RIPK1: variants seen among roughly 807,000 people sequenced by gnomAD.
RIPK1 encodes receptor interacting serine/threonine kinase 1, also known as receptor-interacting serine/threonine-protein kinase 1.
RIPK1 carries 27 observed loss-of-function variants against 62.4 expected under a neutral mutation model. The ratio of observed to expected loss-of-function variants is 0.43; its 90% confidence interval spans 0.32 to 0.60. The LOEUF is 0.60. Among genes scored for constraint, RIPK1 ranks in the 20% least tolerant of loss-of-function variants. RIPK1 has a pLI of 0.07. For synonymous variants in RIPK1, 287 were observed against 303.2 expected, an observed-to-expected ratio of 0.95 and a Z score of 0.55; for missense variants, 735 against 831.0, an observed-to-expected ratio of 0.88 and a Z score of 1.42.
intron 7 of RIPK1, among the ~76,000 whole-genome samples, chr6:3,095,520 G>A (rs1760244130): frequency 6.6e-6 from 1 of 152,152 alleles, no homozygotes. Flanking sequence ...GACCAATCTT[G>A]TTTAACAGTA....
intron 7 of RIPK1, among the ~76,000 whole-genome samples, chr6:3,103,121 ATTG>A (rs1401084527): frequency 9.2e-5 from 14 of 151,736 alleles, no homozygotes; most frequent in African/African-American, 2.7e-4. Flanking sequence ...TTCATGGCTT[ATTG>A]GCCATTTGTA....
chr6:3,087,699 C>T (rs964055914), intron 6 of RIPK1, among the ~76,000 whole-genome samples: 14 of 152,072 alleles, frequency 9.2e-5, no homozygotes, highest in Non-Finnish European at 2.9e-5. Context: ...GCCACCACAC[C>T]TGGCTAATTT....
chr6:3,068,822 A>C, intron 1 of RIPK1, 161 bp downstream of exon 1: 27 of 266,146 alleles, frequency 1.0e-4, no homozygotes, highest in Non-Finnish European at 1.5e-4. Flanking sequence ...TTCTTCCCTC[A>C]CCCGGGCCTC....
chr6:3,077,003 G>C lies in RIPK1; in HGVS notation c.164+16G>C. The C allele has an allele frequency of 6.3e-7, 1 of 1,588,558 alleles. No individual in the cohort carries two copies. On this transcript the variant is annotated intron_variant, in intron 2 of 10. Transcript: ENST00000259808. ...ACTGCATTGAGTGAGTAGGGAGCAGGGGTGGGTGGGCTAAGTTCTGAGCGG... is the reference window on the plus strand; with the variant it reads ...ACTGCATTGAGTGAGTAGGGAGCAGCGGTGGGTGGGCTAAGTTCTGAGCGG...
chr6:3,094,123 G>A (rs1379175580), intron 7 of RIPK1, among the ~76,000 whole-genome samples: 2 of 141,374 alleles, frequency 1.4e-5, no homozygotes, highest in Non-Finnish European at 1.5e-5. Flanking sequence ...CCTACCTGCC[G>A]CACCTAGTAA....
intron 7 of RIPK1, among the ~76,000 whole-genome samples, chr6:3,090,250 G>A (rs1204565598): frequency 6.6e-6 from 1 of 152,100 alleles, no homozygotes; most frequent in Admixed American, 6.5e-5. Context: ...GCATGACAAG[G>A]CCCAGTTAGG....
upstream of RIPK1, among the ~76,000 whole-genome samples, chr6:3,065,264 C>CAA (rs57722248): frequency 4.2e-4 from 17 of 40,620 alleles, 2 homozygotes; most frequent in Admixed American, 1.1e-3. Flanking sequence ...GACTCCGTCT[C>CAA]AAAAAAAAAA....
intron 3 of RIPK1, among the ~76,000 whole-genome samples, chr6:3,080,097 C>T (rs1759298948): frequency 6.6e-6 from 1 of 152,208 alleles, no homozygotes; most frequent in Non-Finnish European, 1.5e-5. Context: ...CTGCTACTTT[C>T]TGTATGGTGG....
rs574294650 is a variant in RIPK1, at chr6:3,072,103, C to G, written c.-61+3442C>G. The stretch of plus-strand genomic sequence containing the variant: ...CTGTACATGCTAAGTGTTTTACCTA[C>G]TTTTGCTGTTCTATGTAATGCTACC... On this transcript the variant is annotated intron_variant, in intron 1 of 10. Coordinates refer to ENST00000259808, the MANE Select transcript of RIPK1 (RefSeq NM_001354930.2). The surrounding 1 kb of genome is among the most constrained non-coding windows in gnomAD (Gnocchi z 5.6). Among the ~76,000 whole-genome samples the G allele has an allele frequency of 1.3e-5, 2 of 152,290 alleles. No homozygotes were observed. The highest frequency in any genetic ancestry group is 2.9e-5 in the Non-Finnish European group (2 of 68,026).
intron 4 of RIPK1, among the ~76,000 whole-genome samples, chr6:3,081,586 T>G (rs2113598784): frequency 6.6e-6 from 1 of 152,086 alleles, no homozygotes; most frequent in Admixed American, 6.6e-5. Context: ...AGCGGCCGGG[T>G]GCAGTGGCCC....
chr6:3,094,382 T>A (rs1465997777), intron 7 of RIPK1, among the ~76,000 whole-genome samples: 1 of 152,144 alleles, frequency 6.6e-6, no homozygotes, highest in Non-Finnish European at 1.5e-5. Flanking sequence ...AAATTAATTT[T>A]AAAAAGGTAA....
chr6:3,097,530 G>T (rs1760379077), intron 7 of RIPK1, among the ~76,000 whole-genome samples: 1 of 152,132 alleles, frequency 6.6e-6, no homozygotes, highest in Non-Finnish European at 1.5e-5. Flanking sequence ...AGACAACTGG[G>T]TATCCACATG....
At chr6:3,087,441 G>GT (rs1187990874) in intron 6 of RIPK1, among the ~76,000 whole-genome samples, 15 of 148,430 alleles carry the variant, frequency 1.0e-4, no homozygotes, top group African/African-American at 2.5e-4. Flanking sequence ...GTTTTTGTTT[G>GT]TTTTTTTCAG....
chr6:3,085,630 A>G, intron 6 of RIPK1, among the ~76,000 whole-genome samples: 1 of 152,158 alleles, frequency 6.6e-6, no homozygotes, highest in East Asian at 1.9e-4. Flanking sequence ...TTTTTTTGTA[A>G]TTAACTTTTT....
intron 7 of RIPK1, among the ~76,000 whole-genome samples, chr6:3,097,295 TGAA>T (rs1391927466): frequency 6.6e-6 from 1 of 152,204 alleles, no homozygotes; most frequent in Non-Finnish European, 1.5e-5. Context: ...AGGATGCCCT[TGAA>T]GAAGGACAAG....
rs1286783507 is a variant in RIPK1, at chr6:3,093,991, TACCTGCCGCACCTAGTAACTGCAGCGC to T, written c.915+4335_915+4361del. Among the ~76,000 whole-genome samples, 317 of 133,008 alleles carry T rather than the reference TACCTGCCGCACCTAGTAACTGCAGCGC, an allele frequency of 2.4e-3. 32 individuals carry two copies. Among genetic ancestry groups the T allele is most frequent in the African/African-American group, 9.1e-3 (295 of 32,364 alleles). 87.3% of individuals were successfully genotyped at this position (133,008 alleles called of 152,430 possible). Reference sequence around the variant, plus strand: ...CCGCACCTAGTAACTGCAGAGCGCCTACCTGCCGCACCTAGTAACTGCAGCGCGCCTACCTGCCGCACCTAGTAACTG... The same window carrying T: ...CCGCACCTAGTAACTGCAGAGCGCCTGCCTACCTGCCGCACCTAGTAACTG... On this transcript the variant is annotated intron_variant, in intron 7 of 10. Transcript: ENST00000259808.
chr6:3,084,920 C>T (rs977576893), intron 5 of RIPK1, among the ~76,000 whole-genome samples: 1 of 152,172 alleles, frequency 6.6e-6, no homozygotes, highest in African/African-American at 2.4e-5. Context: ...AATGATCACT[C>T]TGTGTTTTAA....
In RIPK1 at chr6:3,077,866, G is replaced by A. The variant is rs780678315; in HGVS notation, c.252G>A (p.Glu84=). ...TGAAGCTCCTGGGCGTCATCATAGA[G>A]GAAGGGAAGTACTCCCTGGTGATGG... is the stretch of plus-strand genomic sequence containing the variant. ...RVVKLLGVII[E]EGKYSLVMEY... is the part of the protein sequence containing the mutation. The change falls in exon 3 of 11, where the codon GAG becomes GAA. Residue 84 remains glutamate (E), a synonymous_variant. Coordinates refer to ENST00000259808, the MANE Select transcript of RIPK1 (RefSeq NM_001354930.2). 6.2e-7 allele frequency: 1 copy of A among 1,614,112 alleles called. No individual in the cohort carries two copies. Among genetic ancestry groups the A allele is most frequent in the Non-Finnish European group, 8.5e-7 (1 of 1,180,048 alleles).
At position 3,072,446 on chromosome 6, in the gene RIPK1, C is replaced by T. The variant is rs562920744; in HGVS notation, c.-61+3785C>T. On this transcript the variant is annotated intron_variant, in intron 1 of 10. Transcript: ENST00000259808. The surrounding 1 kb of genome is among the most constrained non-coding windows in gnomAD (Gnocchi z 5.6). ...TGAATATAATTTTTACAGATTTATTCGTCAAAAACAATTTTGAATGGCTAT... is the reference window on the plus strand; with the variant it reads ...TGAATATAATTTTTACAGATTTATTTGTCAAAAACAATTTTGAATGGCTAT... Among the ~76,000 whole-genome samples, 21 of 151,918 alleles carry T rather than the reference C, an allele frequency of 1.4e-4. No homozygotes were observed. In the South Asian group the frequency reaches 1.9e-3, roughly 13 times the overall value.
Sources: gnomAD v4.1 joint callset for allele counts (sites outside exome capture counted in the v4.1 genomes callset) on GRCh38, gnomAD v4.1.1 for gene constraint, Gnocchi (gnomAD v3.1) non-coding constraint, MANE v1.5 for transcripts, NCBI Gene and HGNC (gene_info 2026-07-23, HGNC 2026-07-21) for gene names.